Variants in PARVA observed in about 807,000 individuals in gnomAD.
PARVA encodes the protein parvin alpha.
In PARVA, 25 loss-of-function variants were observed where a neutral mutation model predicts 52.6. The ratio of observed to expected loss-of-function variants is 0.48; its 90% CI spans 0.35 to 0.66. The LOEUF is 0.66. PARVA is among the 30% of genes least tolerant of loss of function. The probability of loss-of-function intolerance (pLI) is 0.01; values close to 1 mark genes in which losing one functional copy is unlikely to be tolerated. For missense variants in PARVA, 373 were observed against 450.9 expected, an observed-to-expected ratio of 0.83 and a Z score of 1.56; for synonymous variants, 185 against 179.1, an observed-to-expected ratio of 1.03 and a Z score of -0.26.
chr11:12,497,442 A>C (rs1356830110), intron 5 of PARVA, among the ~76,000 whole-genome samples: 3 of 152,320 alleles, frequency 2.0e-5, no homozygotes, highest in East Asian at 1.9e-4. Context: ...TACAAAAAAA[A>C]ATACTTTTCA....
At chr11:12,415,491 C>T (rs921780485) in intron 1 of PARVA, among the ~76,000 whole-genome samples, 2 of 151,566 alleles carry the variant, frequency 1.3e-5, no homozygotes, top group African/African-American at 2.4e-5. Context: ...GCAGCACTCC[C>T]TGATGTCATC....
intron 8 of PARVA, 72 bp downstream of exon 8, chr11:12,511,605 G>A: frequency 6.6e-7 from 1 of 1,509,958 alleles, no homozygotes; most frequent in South Asian, 1.2e-5. Flanking sequence ...CAGCAGCTGG[G>A]AGGAACAGGC....
At chr11:12,522,454 C>T (rs868188574) in intron 12 of PARVA, among the ~76,000 whole-genome samples, 37 of 130,656 alleles carry the variant, frequency 2.8e-4, no homozygotes, top group Middle Eastern at 4.5e-3. Flanking sequence ...GACGGAGTTT[C>T]GCTCTCCAGG....
At chr11:12,512,157 C>T (rs1245015019) in intron 8 of PARVA, among the ~76,000 whole-genome samples, 1 of 152,142 alleles carries the variant, frequency 6.6e-6, no homozygotes, top group Non-Finnish European at 1.5e-5. Flanking sequence ...CATTAGCTTG[C>T]CCGAGGTGTC....
chr11:12,516,111 T>C (rs1941564137), intron 10 of PARVA, among the ~76,000 whole-genome samples: 1 of 152,192 alleles, frequency 6.6e-6, no homozygotes, highest in Admixed American at 6.5e-5. Context: ...AGTGCTGCGA[T>C]TACAGGCATG....
At chr11:12,509,074 G>A (rs1941471175) in intron 7 of PARVA, among the ~76,000 whole-genome samples, 1 of 136,060 alleles carries the variant, frequency 7.3e-6, no homozygotes, top group South Asian at 2.3e-4. Context: ...GGTTTGGGGT[G>A]GTTTTTTTTT....
intron 1 of PARVA, among the ~76,000 whole-genome samples, chr11:12,450,633 T>C (rs1940610229): frequency 6.6e-6 from 1 of 152,194 alleles, no homozygotes; most frequent in South Asian, 2.1e-4. Flanking sequence ...AGTCTCACAA[T>C]AGGCTGTCTG....
chr11:12,422,825 G>T (rs906873307), intron 1 of PARVA, among the ~76,000 whole-genome samples: 1 of 151,650 alleles, frequency 6.6e-6, no homozygotes, highest in Non-Finnish European at 1.5e-5. Flanking sequence ...TTAAAATTTT[G>T]GGGGGCTCCC....
intron 1 of PARVA, among the ~76,000 whole-genome samples, chr11:12,420,917 A>T (rs1042388321): frequency 6.6e-6 from 1 of 152,134 alleles, no homozygotes; most frequent in Non-Finnish European, 1.5e-5. Context: ...CCACCCAGCG[A>T]GAATGGAAGG....
chr11:12,534,710 T>C lies in PARVA; in HGVS notation c.*6785T>C, dbSNP rs1423504383. 6.6e-6 allele frequency among the ~76,000 whole-genome samples: 1 copy of C among 152,224 alleles called. No homozygotes were observed. Among genetic ancestry groups the C allele is most frequent in the Non-Finnish European group, 1.5e-5 (1 of 68,038 alleles). ...ATAGATAAATATTTAATCTGTTACA[T>C]GTTTGCTCTGTGTGGAGCCAGGGTT... On this transcript the variant is annotated 3_prime_UTR_variant, in exon 13 of 13. Coordinates refer to ENST00000334956, the MANE Select transcript of PARVA (RefSeq NM_018222.5).
At chr11:12,390,826 C>G (rs1202607088) in intron 1 of PARVA, among the ~76,000 whole-genome samples, 2 of 152,172 alleles carry the variant, frequency 1.3e-5, no homozygotes, top group Admixed American at 1.3e-4. Flanking sequence ...CTGGGAGAAG[C>G]AGGGGCAGCA....
At chr11:12,410,198 C>T (rs1028540821) in intron 1 of PARVA, among the ~76,000 whole-genome samples, 1 of 152,226 alleles carries the variant, frequency 6.6e-6, no homozygotes, top group Non-Finnish European at 1.5e-5. Flanking sequence ...GCCACCCAGG[C>T]CCCCGGGACT....
At chr11:12,450,832 C>T (rs1488645187) in intron 1 of PARVA, among the ~76,000 whole-genome samples, 1 of 152,212 alleles carries the variant, frequency 6.6e-6, no homozygotes, top group African/African-American at 2.4e-5. Context: ...GGCCGGAAGA[C>T]TCAGCAAGTC....
In PARVA at chr11:12,378,574, C is replaced by CTTT. The variant is rs373881363; in HGVS notation, c.136+809_136+811dup. Among the ~76,000 whole-genome samples, 202 of 114,882 alleles carry CTTT rather than the reference C, an allele frequency of 1.8e-3. 1 individual carries two copies. Among genetic ancestry groups the CTTT allele is most frequent in the Middle Eastern group, 8.5e-3 (2 of 236 alleles). 75.4% of individuals were successfully genotyped at this position (114,882 alleles called of 152,430 possible). A position where few individuals can be genotyped will look rare whatever the true frequency, so the allele number is the denominator to read the frequency against. On this transcript the variant is annotated intron_variant, in intron 1 of 12. Coordinates refer to ENST00000334956, the MANE Select transcript of PARVA (RefSeq NM_018222.5). ...CAGAGTGAATTGAGGCGACCTTATTCTTTTTTTTTTTTTTTTTTTTCAGGG... is the reference window on the plus strand; with the variant it reads ...CAGAGTGAATTGAGGCGACCTTATTCTTTTTTTTTTTTTTTTTTTTTTTCAGGG...
intron 1 of PARVA, among the ~76,000 whole-genome samples, chr11:12,425,931 AAAGGCAAAAGTTTCTAC>A (rs1385677935): frequency 1.3e-5 from 2 of 152,222 alleles, no homozygotes; most frequent in Admixed American, 1.3e-4. Flanking sequence ...ATTTGGAGAT[AAAGGCAAAAGTTTCTAC>A]AAAGAACCAA....
At chr11:12,441,148 C>T (rs1358976019) in intron 1 of PARVA, among the ~76,000 whole-genome samples, 1 of 152,088 alleles carries the variant, frequency 6.6e-6, no homozygotes, top group Non-Finnish European at 1.5e-5. Flanking sequence ...GCCCATAATC[C>T]ACAGAGGCCC....
At chr11:12,518,158 C>T (rs989934336) in intron 11 of PARVA, among the ~76,000 whole-genome samples, 1 of 152,222 alleles carries the variant, frequency 6.6e-6, no homozygotes, top group Non-Finnish European at 1.5e-5. Context: ...TTCTTCCAGA[C>T]GTGTGCACTG....
At position 12,387,031 on chromosome 11, in the gene PARVA, A is replaced by T. The variant is rs112807342; in HGVS notation, c.136+9248A>T. On this transcript the variant is annotated intron_variant, in intron 1 of 12. Transcript: ENST00000334956. ...TGGTTAACAAGCACAGTTCATAATT[A>T]TGTTCCAGCCATGAGTCCAGGAGAA... is the stretch of plus-strand genomic sequence containing the variant. Among the ~76,000 whole-genome samples the T allele has an allele frequency of 3.4e-3, 513 of 152,370 alleles. 3 individuals are homozygous for T. Among genetic ancestry groups the T allele is most frequent in the Non-Finnish European group, 5.7e-3 (390 of 68,036 alleles).
intron 1 of PARVA, among the ~76,000 whole-genome samples, chr11:12,423,138 G>A (rs1420516856): frequency 6.6e-6 from 1 of 151,754 alleles, no homozygotes; most frequent in Non-Finnish European, 1.5e-5. Flanking sequence ...ACAGGCGTGA[G>A]CCACCTCGCC....
Sources: allele counts gnomAD v4.1 joint callset (sites outside exome capture counted in the v4.1 genomes callset), GRCh38; gene constraint gnomAD v4.1.1; transcripts MANE v1.5; gene names NCBI Gene and HGNC (gene_info 2026-07-23, HGNC 2026-07-21).